The following ADAMDEC1 variants were observed in gnomAD, a reference collection of about 807,000 sequenced individuals.
The protein encoded by ADAMDEC1 is ADAM DEC1.
Under a neutral mutation model 60.4 loss-of-function variants are expected in ADAMDEC1, and 62 were observed. The observed-to-expected ratio is 1.03, with a 90% CI of 0.84 to 1.27. The LOEUF (loss-of-function observed/expected upper bound fraction) is 1.27, where lower values mean the gene tolerates loss of function less well. Ranked by LOEUF, ADAMDEC1 falls within the 50% of genes most tolerant of loss-of-function variation. ADAMDEC1 has a pLI of 0.00. For missense variants in ADAMDEC1, 595 were observed against 565.0 expected, an observed-to-expected ratio of 1.05 and a Z score of -0.54; for synonymous variants, 210 against 195.1, an observed-to-expected ratio of 1.08 and a Z score of -0.64.
chr8:24,405,231 AC>A, intron 13 of ADAMDEC1, 60 bp from the exon 14 acceptor site: 1 of 1,447,858 alleles, frequency 6.9e-7, no homozygotes, highest in South Asian at 1.2e-5. Flanking sequence ...TATCATTATT[AC>A]ATAATATTTT....
At chr8:24,390,518 G>C (rs1446109354) in intron 1 of ADAMDEC1, among the ~76,000 whole-genome samples, 1 of 152,094 alleles carries the variant, frequency 6.6e-6, no homozygotes, top group African/African-American at 2.4e-5. Flanking sequence ...TCAGGAGTTC[G>C]AGACCAGCCT....
intron 3 of ADAMDEC1, 39 bp downstream of exon 3, chr8:24,393,377 G>T (rs374035299): frequency 1.9e-4 from 262 of 1,386,966 alleles, no homozygotes; most frequent in Admixed American, 4.0e-4. Flanking sequence ...ACTGGATTAG[G>T]TTATGAAATT....
At chr8:24,393,466 T>C (rs1270938355) in intron 3 of ADAMDEC1, 128 bp downstream of exon 3, 1 of 532,528 alleles carries the variant, frequency 1.9e-6, no homozygotes, top group Non-Finnish European at 3.3e-6. Flanking sequence ...TAGATGATAC[T>C]AGTTTGTGCT....
chr8:24,388,242 C>A (rs1437857760), intron 1 of ADAMDEC1, among the ~76,000 whole-genome samples: 1 of 152,040 alleles, frequency 6.6e-6, no homozygotes, highest in African/African-American at 2.4e-5. Context: ...GCGTCCTTTC[C>A]CTATAGTTTT....
At chr8:24,387,449 A>T (rs990669415) in intron 1 of ADAMDEC1, 2 of 152,008 alleles carry the variant, frequency 1.3e-5, no homozygotes, top group Admixed American at 1.3e-4. Context: ...TAAGGCCCAT[A>T]ACGTTAAAGA....
chr8:24,395,848 G>A, intron 5 of ADAMDEC1, 52 bp downstream of exon 5: 3 of 1,365,078 alleles, frequency 2.2e-6, no homozygotes, highest in Non-Finnish European at 2.1e-6. Flanking sequence ...TTGTTACACA[G>A]AATTAAGGGC....
intron 8 of ADAMDEC1, 96 bp from the exon 9 acceptor site, chr8:24,398,778 A>G: frequency 2.3e-6 from 3 of 1,276,694 alleles, no homozygotes; most frequent in African/African-American, 1.5e-5. Context: ...CATTACTTGT[A>G]GTCCATCACT....
intron 1 of ADAMDEC1, among the ~76,000 whole-genome samples, chr8:24,386,045 T>C (rs575038658): frequency 6.6e-6 from 1 of 152,302 alleles, no homozygotes; most frequent in South Asian, 2.1e-4. Flanking sequence ...TCTATTAATA[T>C]TGTTCTCACA....
chr8:24,399,331 AC>A, intron 9 of ADAMDEC1, 61 bp from the exon 10 acceptor site: 1 of 1,522,516 alleles, frequency 6.6e-7, no homozygotes, highest in Admixed American at 1.7e-5. Context: ...AATGTAATTA[AC>A]AAAAGCTAAT....
intron 1 of ADAMDEC1, among the ~76,000 whole-genome samples, chr8:24,388,984 A>C (rs1446004882): frequency 2.0e-5 from 3 of 152,148 alleles, no homozygotes; most frequent in Non-Finnish European, 4.4e-5. Context: ...TTTATACTGT[A>C]GGTGAGGGGT....
chr8:24,400,328 GAGAT>G, intron 11 of ADAMDEC1, 28 bp downstream of exon 11: 5 of 1,569,632 alleles, frequency 3.2e-6, no homozygotes, highest in Non-Finnish European at 4.3e-6. Context: ...TAAAAGGAGA[GAGAT>G]ATTTTCCAAA....
chr8:24,403,735 G>T (rs1481928777), intron 12 of ADAMDEC1, among the ~76,000 whole-genome samples: 1 of 151,570 alleles, frequency 6.6e-6, no homozygotes, highest in Non-Finnish European at 1.5e-5. Flanking sequence ...TTTTAGTTTG[G>T]ACTTACACAT....
chr8:24,391,819 T>C (rs79118550), intron 1 of ADAMDEC1, among the ~76,000 whole-genome samples: 2,129 of 152,178 alleles, frequency 0.014, 58 homozygotes, highest in African/African-American at 0.049. Context: ...GGGTTGTGCT[T>C]CAGAGGGAAA....
intron 12 of ADAMDEC1, among the ~76,000 whole-genome samples, chr8:24,402,807 CT>C (rs547295064): frequency 5.6e-4 from 85 of 152,212 alleles, no homozygotes; most frequent in African/African-American, 2.0e-3. Context: ...GAAATTTTAG[CT>C]GGTTAGATTA....
chr8:24,400,400 T>A, intron 11 of ADAMDEC1, 100 bp downstream of exon 11: 1 of 1,269,408 alleles, frequency 7.9e-7, no homozygotes, highest in Non-Finnish European at 1.1e-6. Flanking sequence ...ATATTAGATC[T>A]TGTGTTGTTC....
intron 1 of ADAMDEC1, among the ~76,000 whole-genome samples, chr8:24,388,722 C>T (rs1284169446): frequency 6.6e-6 from 1 of 152,120 alleles, no homozygotes; most frequent in Admixed American, 6.6e-5. Flanking sequence ...CATCTTTTTG[C>T]TTCCACACTA....
At position 24,395,784 on chromosome 8, in the gene ADAMDEC1, G is replaced by T. The variant is rs772361789; in HGVS notation, c.428G>T (p.Cys143Phe). 2 of 1,613,086 alleles carry T rather than the reference G, an allele frequency of 1.2e-6. No individual in the cohort carries two copies. The highest frequency in any genetic ancestry group is 2.2e-5 in the South Asian group (2 of 91,016). Residue 143 changes from cysteine (C) to phenylalanine (F), a missense_variant, in exon 5 of 14, where the codon TGT becomes TTT. Coordinates refer to ENST00000256412, the MANE Select transcript of ADAMDEC1 (RefSeq NM_014479.3). ...AATTCTGTTGCCAGCATCAGTACTT[G>T]TGACGGGTTGAGGTAAGAACTACCA... is the stretch of plus-strand genomic sequence containing the variant. ...EKNSVASIST[C>F]DGLRGYFTHH...
chr8:24,402,444 A>C (rs993171120), intron 12 of ADAMDEC1, among the ~76,000 whole-genome samples: 16 of 152,142 alleles, frequency 1.1e-4, no homozygotes, highest in Admixed American at 3.9e-4. Context: ...AGTAAGTTCT[A>C]CTCAGAGGGA....
chr8:24,392,897 T>G (rs1005837648), intron 2 of ADAMDEC1, among the ~76,000 whole-genome samples: 2 of 147,094 alleles, frequency 1.4e-5, no homozygotes, highest in African/African-American at 4.9e-5. Flanking sequence ...TTTTTTTTTT[T>G]TTTTTTTTTT....
Sources: allele counts gnomAD v4.1 joint callset (sites outside exome capture counted in the v4.1 genomes callset), GRCh38; gene constraint gnomAD v4.1.1; transcripts MANE v1.5; gene names NCBI Gene and HGNC (gene_info 2026-07-23, HGNC 2026-07-21).